NNT: variants seen among roughly 807,000 people sequenced by gnomAD.
The protein encoded by NNT is nicotinamide nucleotide transhydrogenase, also known as NAD(P) transhydrogenase, mitochondrial.
In NNT, 50 loss-of-function variants were observed where a neutral mutation model predicts 104.8. The observed-to-expected ratio is 0.48, with a 90% CI of 0.38 to 0.60. The LOEUF (loss-of-function observed/expected upper bound fraction) is 0.60. Among genes scored for constraint, NNT ranks in the 20% least tolerant of loss-of-function variants. The pLI is 0.00. For missense variants in NNT, 1,131 were observed against 1,330.7 expected (o/e 0.85, Z 2.33); for synonymous variants, 461 against 490.4 (o/e 0.94, Z 0.79).
At chr5:43,622,916 T>C (rs150481279) in intron 5 of NNT, among the ~76,000 whole-genome samples, 1 of 151,886 alleles carries the variant, frequency 6.6e-6, no homozygotes, top group African/African-American at 2.4e-5. Flanking sequence ...GGCCAAGTCC[T>C]GTGACTTTTA....
Position 43,667,602 on chromosome 5 carries a change from C to A in NNT, c.2635-7909C>A, listed in dbSNP as rs559694752. On this transcript the variant is annotated intron_variant, in intron 17 of 21. Coordinates refer to ENST00000344920, the MANE Select transcript of NNT (RefSeq NM_182977.3). ...TCCCTACAAAGGACATGAACTCATCCTTTTTTATGGCTGCATAGTATTCCA... is the reference window on the plus strand; with the variant it reads ...TCCCTACAAAGGACATGAACTCATCATTTTTTATGGCTGCATAGTATTCCA... 4.2e-3 allele frequency among the ~76,000 whole-genome samples: 640 copies of A among 152,186 alleles called. 8 individuals carry two copies. The highest frequency in any genetic ancestry group is 9.0e-3 in the African/African-American group (375 of 41,502).
At chr5:43,618,841 G>A (rs1749920372) in intron 4 of NNT, among the ~76,000 whole-genome samples, 191 bp from the exon 5 acceptor site, 2 of 152,092 alleles carry the variant, frequency 1.3e-5, no homozygotes, top group Non-Finnish European at 2.9e-5. Context: ...CCTTTCCATA[G>A]GCTTGTTGTG....
At chr5:43,665,337 A>G (rs1335448666) in intron 17 of NNT, among the ~76,000 whole-genome samples, 1 of 151,878 alleles carries the variant, frequency 6.6e-6, no homozygotes. Flanking sequence ...GCAGATAAAC[A>G]TGTGAACAAA....
chr5:43,661,969 TC>T (rs1740393701), intron 17 of NNT, among the ~76,000 whole-genome samples: 1 of 152,134 alleles, frequency 6.6e-6, no homozygotes, highest in Non-Finnish European at 1.5e-5. Flanking sequence ...TAGTTCTAGA[TC>T]CCTGAGGAAT....
intron 18 of NNT, among the ~76,000 whole-genome samples, chr5:43,677,446 C>G (rs1741478480): frequency 6.6e-6 from 1 of 150,418 alleles, no homozygotes; most frequent in South Asian, 2.1e-4. Context: ...GAGAAAGAGA[C>G]AAGAGAGGGA....
At chr5:43,652,990 A>G in intron 13 of NNT, 28 bp from the exon 14 acceptor site, 1 of 1,569,418 alleles carries the variant, frequency 6.4e-7, no homozygotes, top group Non-Finnish European at 8.7e-7. Context: ...GGTTTTAATA[A>G]TCTCTCTCTC....
At chr5:43,670,818 G>A (rs1169398839) in intron 17 of NNT, among the ~76,000 whole-genome samples, 9 of 152,170 alleles carry the variant, frequency 5.9e-5, no homozygotes, top group South Asian at 2.1e-4. Flanking sequence ...GCAGAGTCGC[G>A]TTAAACTCCT....
intron 19 of NNT, among the ~76,000 whole-genome samples, chr5:43,680,565 A>G (rs6893250): frequency 0.14 from 22,046 of 152,076 alleles, 2,400 homozygotes; most frequent in African/African-American, 0.3. Context: ...AATTAGTTAT[A>G]CCCAAGTGGT....
intron 17 of NNT, among the ~76,000 whole-genome samples, chr5:43,673,305 C>T (rs1047121746): frequency 9.2e-5 from 14 of 152,224 alleles, no homozygotes; most frequent in Middle Eastern, 3.4e-3. Context: ...CCACACTGTC[C>T]GACAAGCCCC....
At chr5:43,678,057 A>G (rs545084603) in intron 19 of NNT, among the ~76,000 whole-genome samples, 2 of 152,266 alleles carry the variant, frequency 1.3e-5, no homozygotes, top group Non-Finnish European at 2.9e-5. Flanking sequence ...TGTATTAAAT[A>G]GTAGAGAAAG....
At chr5:43,660,354 C>G (rs1364514485) in intron 17 of NNT, among the ~76,000 whole-genome samples, 1 of 152,138 alleles carries the variant, frequency 6.6e-6, no homozygotes, top group African/African-American at 2.4e-5. Flanking sequence ...TACTTCCTAG[C>G]TTTTCTGTTT....
chr5:43,611,819 A>T (rs568900292), intron 2 of NNT, among the ~76,000 whole-genome samples: 1 of 152,322 alleles, frequency 6.6e-6, no homozygotes, highest in East Asian at 1.9e-4. Flanking sequence ...TCATTAAAAA[A>T]TGTTTATGCT....
chr5:43,677,783 C>T lies in NNT; in HGVS notation c.2853C>T (p.Leu951=). 1.2e-6 allele frequency: 2 copies of T among 1,613,666 alleles called. No individual in the cohort carries two copies. Among genetic ancestry groups the T allele is most frequent in the Non-Finnish European group, 1.7e-6 (2 of 1,179,678 alleles). The change falls in exon 19 of 22, where the codon CTC becomes CTT. Residue 951 remains leucine, a synonymous_variant. Transcript: ENST00000344920. ...QYPIADLVKM[L]TEQGKKVRFG... ...CCATTGCTGATTTGGTAAAGATGCT[C>T]ACTGAGCAAGGCAAAAAAGTCAGGT...
chr5:43,677,910 C>A (rs1220466061), intron 19 of NNT, 104 bp downstream of exon 19: 6 of 838,630 alleles, frequency 7.2e-6, no homozygotes, highest in Middle Eastern at 2.4e-4. Flanking sequence ...AGGGCACTGA[C>A]CCGCCCATAC....
chr5:43,694,133 T>C, intron 19 of NNT, among the ~76,000 whole-genome samples: 1 of 152,246 alleles, frequency 6.6e-6, no homozygotes, highest in Non-Finnish European at 1.5e-5. Flanking sequence ...TGATTTTGTA[T>C]CCTAAAACTT....
intron 19 of NNT, among the ~76,000 whole-genome samples, chr5:43,693,722 T>C (rs190850662): frequency 1.8e-4 from 27 of 152,190 alleles, no homozygotes; most frequent in Non-Finnish European, 3.4e-4. Context: ...AAAAATTAAC[T>C]TAAGTGTTGA....
intron 16 of NNT, among the ~76,000 whole-genome samples, chr5:43,658,887 T>A (rs1639472118): frequency 6.6e-6 from 1 of 152,180 alleles, no homozygotes; most frequent in South Asian, 2.1e-4. Context: ...TCATTGTATT[T>A]TTCCAAATGT....
chr5:43,640,285 A>C (rs1291657670), intron 7 of NNT, among the ~76,000 whole-genome samples: 2 of 152,102 alleles, frequency 1.3e-5, no homozygotes, highest in African/African-American at 2.4e-5. Context: ...AAATCCGGAC[A>C]CATCTTCCTG....
At chr5:43,642,688 G>C (rs1340770331) in intron 7 of NNT, among the ~76,000 whole-genome samples, 1 of 152,182 alleles carries the variant, frequency 6.6e-6, no homozygotes, top group African/African-American at 2.4e-5. Flanking sequence ...CAGGGTGAGA[G>C]GCATTTAGTC....
Sources: allele counts gnomAD v4.1 joint callset (sites outside exome capture counted in the v4.1 genomes callset), GRCh38; gene constraint gnomAD v4.1.1; transcripts MANE v1.5; gene names NCBI Gene and HGNC (gene_info 2026-07-23, HGNC 2026-07-21).